Variants in RIMS2 observed in about 807,000 individuals in gnomAD.
RIMS2 encodes the protein regulating synaptic membrane exocytosis protein 2.
In RIMS2, 59 loss-of-function variants were observed where a neutral mutation model predicts 174.4. That is an observed-to-expected ratio of 0.34 (90% CI 0.27 to 0.42). The LOEUF (loss-of-function observed/expected upper bound fraction) is 0.42. RIMS2 is among the 10% of genes least tolerant of loss of function. The pLI is 1.00. For synonymous variants in RIMS2, 606 were observed against 572.5 expected, an observed-to-expected ratio of 1.06 and a Z score of -0.84; for missense variants, 1,620 against 1,666.3, an observed-to-expected ratio of 0.97 and a Z score of 0.48.
chr8:104,042,450 A>T (rs1218852661), intron 19 of RIMS2, among the ~76,000 whole-genome samples: 3 of 151,654 alleles, frequency 2.0e-5, no homozygotes, highest in African/African-American at 7.2e-5. Flanking sequence ...AAGCAGAAAG[A>T]TCATATATGG....
intron 1 of RIMS2, among the ~76,000 whole-genome samples, chr8:103,517,214 G>A (rs2130118032): frequency 6.6e-6 from 1 of 152,320 alleles, no homozygotes; most frequent in East Asian, 1.9e-4. Flanking sequence ...GAACATGGAG[G>A]ATTTAAGGAA....
intron 2 of RIMS2, among the ~76,000 whole-genome samples, chr8:103,756,122 C>G (rs923183457): frequency 6.6e-6 from 1 of 152,096 alleles, no homozygotes; most frequent in African/African-American, 2.4e-5. Flanking sequence ...GTGTGGATGT[C>G]CTTTTTGTTG....
chr8:104,075,865 C>T (rs11991635), intron 19 of RIMS2, among the ~76,000 whole-genome samples: 35,678 of 152,066 alleles, frequency 0.23, 4,488 homozygotes, highest in African/African-American at 0.33. Context: ...CTCCCCACCT[C>T]TCCACCAGCT....
chr8:104,130,164 G>A (rs2098463178), intron 19 of RIMS2, among the ~76,000 whole-genome samples: 1 of 152,174 alleles, frequency 6.6e-6, no homozygotes, highest in Admixed American at 6.5e-5. Flanking sequence ...CAAATGCCAT[G>A]AGGGCAAACA....
intron 1 of RIMS2, among the ~76,000 whole-genome samples, chr8:103,634,111 T>C (rs572383822): frequency 6.6e-6 from 1 of 152,332 alleles, no homozygotes; most frequent in South Asian, 2.1e-4. Flanking sequence ...GTTGTGAAGC[T>C]AGGTTGTTAA....
intron 1 of RIMS2, among the ~76,000 whole-genome samples, chr8:103,547,347 G>GA (rs1252123789): frequency 6.6e-5 from 10 of 151,764 alleles, no homozygotes; most frequent in African/African-American, 2.2e-4. Context: ...TGAAGATATT[G>GA]AAAAAAAATC....
intron 1 of RIMS2, among the ~76,000 whole-genome samples, chr8:103,682,447 T>C (rs1178892110): frequency 2.0e-5 from 3 of 152,154 alleles, no homozygotes; most frequent in Non-Finnish European, 4.4e-5. Context: ...TGAAGTAATA[T>C]GATGACTGAA....
At chr8:103,569,184 C>T (rs1400452957) in intron 1 of RIMS2, among the ~76,000 whole-genome samples, 1 of 152,088 alleles carries the variant, frequency 6.6e-6, no homozygotes, top group African/African-American at 2.4e-5. Context: ...ACATTTAGGT[C>T]TTTAATCCCC....
At chr8:103,845,901 G>A (rs2098965397) in intron 3 of RIMS2, among the ~76,000 whole-genome samples, 1 of 152,106 alleles carries the variant, frequency 6.6e-6, no homozygotes, top group Non-Finnish European at 1.5e-5. Context: ...AGGCACTGAG[G>A]AGGAAGGTGG....
chr8:103,911,528 C>A (rs2075668087), intron 5 of RIMS2, among the ~76,000 whole-genome samples: 1 of 152,094 alleles, frequency 6.6e-6, no homozygotes, highest in African/African-American at 2.4e-5. Flanking sequence ...TTATTTTAAT[C>A]TAGAAACCTA....
chr8:103,562,980 G>A (rs2091831781), intron 1 of RIMS2, among the ~76,000 whole-genome samples: 2 of 152,124 alleles, frequency 1.3e-5, no homozygotes, highest in Admixed American at 6.5e-5. Context: ...TGGAGCAGCT[G>A]GGACACAGGG....
intron 15 of RIMS2, among the ~76,000 whole-genome samples, chr8:103,963,632 G>A (rs2090920909): frequency 6.6e-6 from 1 of 151,988 alleles, no homozygotes; most frequent in African/African-American, 2.4e-5. Flanking sequence ...CACATTCATA[G>A]CCTCTCCCAT....
chr8:103,878,318 G>A (rs2099151294), intron 3 of RIMS2, among the ~76,000 whole-genome samples: 1 of 151,706 alleles, frequency 6.6e-6, no homozygotes, highest in Non-Finnish European at 1.5e-5. Flanking sequence ...ACAGACTAAA[G>A]CAACCTCCTT....
chr8:103,576,605 C>T (rs953289954), intron 1 of RIMS2, among the ~76,000 whole-genome samples: 1 of 152,044 alleles, frequency 6.6e-6, no homozygotes, highest in African/African-American at 2.4e-5. Flanking sequence ...AAAAAAGAGC[C>T]CATATAACCA....
intron 19 of RIMS2, among the ~76,000 whole-genome samples, chr8:104,030,876 C>G (rs1419486629): frequency 6.6e-6 from 1 of 151,878 alleles, no homozygotes; most frequent in Non-Finnish European, 1.5e-5. Context: ...TTTTACTTAT[C>G]TTGTTTATAA....
chr8:104,004,021 C>T (rs2095483986), intron 17 of RIMS2, among the ~76,000 whole-genome samples: 1 of 152,068 alleles, frequency 6.6e-6, no homozygotes, highest in Non-Finnish European at 1.5e-5. Context: ...CTTATATCTT[C>T]AATAACTAGA....
At chr8:103,936,853 T>C (rs1460532577) in intron 13 of RIMS2, 131 bp downstream of exon 15, 9 of 611,036 alleles carry the variant, frequency 1.5e-5, no homozygotes, top group Non-Finnish European at 2.4e-5. Flanking sequence ...CTCAGCACTT[T>C]GGGAGGCCGA....
chr8:103,841,178 A>C (rs1893531), intron 3 of RIMS2, among the ~76,000 whole-genome samples: 61,078 of 151,924 alleles, frequency 0.4, 12,715 homozygotes, highest in African/African-American at 0.44. Context: ...TTATTTATTG[A>C]CAATTAATTA....
chr8:103,652,722 G>C lies in RIMS2; in HGVS notation c.177-44364G>C, dbSNP rs1330022454. The C allele has an allele frequency of 7.7e-7, 1 of 1,304,794 alleles. No individual in the cohort carries two copies. Among genetic ancestry groups the C allele is most frequent in the Non-Finnish European group, 1.0e-6 (1 of 982,322 alleles). 80.8% of individuals were successfully genotyped at this position (1,304,794 alleles called of 1,614,324 possible). Reference sequence around the variant, plus strand: ...AAGGAGCCCCAGACGTAAGTAAGCTGATCTATATAGACTAAATATTATCTC... The same window carrying C: ...AAGGAGCCCCAGACGTAAGTAAGCTCATCTATATAGACTAAATATTATCTC... On this transcript the variant is annotated intron_variant, in intron 1 of 23. Transcript: ENST00000504942.
Sources: gnomAD v4.1 joint callset for allele counts (sites outside exome capture counted in the v4.1 genomes callset) on GRCh38, gnomAD v4.1.1 for gene constraint, MANE v1.5 for transcripts, NCBI Gene and HGNC (gene_info 2026-07-23, HGNC 2026-07-21) for gene names.